The following RYR2 variants were observed in gnomAD, a reference collection of about 807,000 sequenced individuals.
RYR2 encodes the protein cardiac muscle ryanodine receptor-calcium release channel.
RYR2 carries 227 observed loss-of-function variants against 601.1 expected under a neutral mutation model. The observed-to-expected ratio is 0.38, with a 90% CI of 0.34 to 0.42. The LOEUF is 0.42. Among genes scored for constraint, RYR2 ranks in the 10% least tolerant of loss-of-function variants. The probability of loss-of-function intolerance (pLI) is 1.00; values close to 1 mark genes in which losing one functional copy is unlikely to be tolerated. For missense variants in RYR2, 4,646 were observed against 6,156.5 expected (o/e 0.75, Z 8.21); for synonymous variants, 2,223 against 2,175.1 (o/e 1.02, Z -0.61).
chr1:237,299,962 G>A (rs1374165710), intron 2 of RYR2, among the ~76,000 whole-genome samples: 2 of 152,162 alleles, frequency 1.3e-5, no homozygotes, highest in Admixed American at 1.3e-4. Flanking sequence ...TTCTCAAGTT[G>A]AAGAATGTGG....
intron 24 of RYR2, among the ~76,000 whole-genome samples, chr1:237,515,681 T>C: frequency 2.4e-4 from 1 of 4,168 alleles, no homozygotes; most frequent in African/African-American, 8.1e-4. Context: ...TTTTCCTTCC[T>C]TCCTTCCTTC....
At chr1:237,744,524 T>C (rs936530978) in intron 80 of RYR2, among the ~76,000 whole-genome samples, 12 of 151,744 alleles carry the variant, frequency 7.9e-5, no homozygotes, top group Non-Finnish European at 1.3e-4. Flanking sequence ...GGCGTGGTAG[T>C]GCACGCCTGT....
At chr1:237,635,957 T>G (rs1243796903) in intron 44 of RYR2, among the ~76,000 whole-genome samples, 1 of 152,164 alleles carries the variant, frequency 6.6e-6, no homozygotes, top group Non-Finnish European at 1.5e-5. Flanking sequence ...ATTCTTTCAG[T>G]CAATGCTCCA....
At chr1:237,431,088 G>A (rs946348385) in intron 12 of RYR2, among the ~76,000 whole-genome samples, 4 of 152,164 alleles carry the variant, frequency 2.6e-5, no homozygotes, top group South Asian at 2.1e-4. Context: ...GGTTAATAAC[G>A]CTTCCATGCT....
At chr1:237,256,500 C>T (rs2111735) in intron 1 of RYR2, among the ~76,000 whole-genome samples, 53,527 of 152,080 alleles carry the variant, frequency 0.35, 11,898 homozygotes, top group Non-Finnish European at 0.48. Context: ...TTCTTGCCTG[C>T]ATCTGGGGCT....
At chr1:237,310,679 G>T (rs1303783398) in intron 2 of RYR2, among the ~76,000 whole-genome samples, 1 of 152,178 alleles carries the variant, frequency 6.6e-6, no homozygotes, top group African/African-American at 2.4e-5. Context: ...TCTTCTGGGT[G>T]TGTCTTTAAC....
In RYR2 at chr1:237,610,646, A is replaced by G. The variant is rs1044454419; in HGVS notation, c.4684-116A>G. On this transcript the variant is annotated intron_variant, in intron 35 of 104. Coordinates refer to ENST00000366574, the MANE Select transcript of RYR2 (RefSeq NM_001035.3). This position sits in a 1 kb window ranked among gnomAD's most constrained non-coding sequence, Gnocchi z 4.9. ...TGATTTCTTGTGTTGACTTTGCTTG[A>G]CTCATAGGGTTATCTTACTTTCCCT... The G allele has an allele frequency of 1.6e-5, 13 of 813,924 alleles. No homozygotes were observed. Among genetic ancestry groups the G allele is most frequent in the Non-Finnish European group, 2.3e-5 (12 of 523,338 alleles). The allele number at this position is 813,924 out of a possible 1,614,324, so 50.4% of individuals were successfully genotyped here.
At chr1:237,294,008 C>T (rs2149430496) in intron 2 of RYR2, among the ~76,000 whole-genome samples, 1 of 152,230 alleles carries the variant, frequency 6.6e-6, no homozygotes, top group South Asian at 2.1e-4. Flanking sequence ...AGCCAACATC[C>T]TGAGGCTATC....
intron 1 of RYR2, among the ~76,000 whole-genome samples, chr1:237,162,234 C>T (rs1676091058): frequency 6.6e-6 from 1 of 152,088 alleles, no homozygotes; most frequent in South Asian, 2.1e-4. Flanking sequence ...ACAGATTGGC[C>T]ACCTTACTGT....
intron 1 of RYR2, among the ~76,000 whole-genome samples, chr1:237,050,540 C>T (rs1168862380): frequency 2.0e-5 from 3 of 152,124 alleles, no homozygotes; most frequent in African/African-American, 4.8e-5. Flanking sequence ...TTTCCTTTAA[C>T]ATTTTTGGTA....
intron 2 of RYR2, among the ~76,000 whole-genome samples, chr1:237,288,656 A>C (rs6686679): frequency 0.36 from 54,264 of 151,902 alleles, 11,332 homozygotes; most frequent in East Asian, 0.67. Context: ...TCGTACTCCC[A>C]CTGTGCCCCC....
At chr1:237,587,328 CTTTATGGGAAAGAAATTTTTGTCCCA>C (rs1674634418) in intron 29 of RYR2, among the ~76,000 whole-genome samples, 1 of 151,962 alleles carries the variant, frequency 6.6e-6, no homozygotes, top group Admixed American at 6.6e-5. Context: ...TTACAAATTT[CTTTATGGGAAAGAAATTTTTGTCCCA>C]TTTTGTTAAA....
chr1:237,495,632 A>G (rs933995540), intron 19 of RYR2, among the ~76,000 whole-genome samples: 1 of 152,200 alleles, frequency 6.6e-6, no homozygotes, highest in Non-Finnish European at 1.5e-5. Context: ...GTATTACCAT[A>G]GGGTATATGT....
At chr1:237,156,001 C>A (rs186979402) in intron 1 of RYR2, among the ~76,000 whole-genome samples, 1 of 152,286 alleles carries the variant, frequency 6.6e-6, no homozygotes, top group African/African-American at 2.4e-5. Flanking sequence ...CCTGCTGTTC[C>A]CTCTGCTGAA....
At chr1:237,619,040 A>T (rs1678795920) in intron 38 of RYR2, among the ~76,000 whole-genome samples, 1 of 152,122 alleles carries the variant, frequency 6.6e-6, no homozygotes, top group Non-Finnish European at 1.5e-5. Flanking sequence ...GCAATAAGAT[A>T]CCCTAAGCCC....
At chr1:237,554,818 A>G (rs865874176) in intron 27 of RYR2, among the ~76,000 whole-genome samples, 5 of 152,022 alleles carry the variant, frequency 3.3e-5, no homozygotes, top group African/African-American at 1.2e-4. Context: ...AGGATCTTTA[A>G]TGATATCTCT....
At chr1:237,144,294 G>A (rs935238711) in intron 1 of RYR2, among the ~76,000 whole-genome samples, 4 of 152,174 alleles carry the variant, frequency 2.6e-5, no homozygotes, top group African/African-American at 9.7e-5. Flanking sequence ...GGACTCGACA[G>A]CACTATTTGT....
intron 100 of RYR2, among the ~76,000 whole-genome samples, chr1:237,813,027 A>G (rs761190767): frequency 6.6e-6 from 1 of 151,870 alleles, no homozygotes; most frequent in East Asian, 1.9e-4. Context: ...TCCCACGCCT[A>G]TTCATTCATT....
intron 79 of RYR2, among the ~76,000 whole-genome samples, chr1:237,741,479 AG>A (rs1260418057): frequency 2.0e-5 from 3 of 152,222 alleles, no homozygotes; most frequent in South Asian, 2.1e-4. Flanking sequence ...GATGAGCTGT[AG>A]GGTTCTTCCT....
Sources: gnomAD v4.1 joint callset for allele counts (sites outside exome capture counted in the v4.1 genomes callset) on GRCh38, gnomAD v4.1.1 for gene constraint, Gnocchi (gnomAD v3.1) non-coding constraint, MANE v1.5 for transcripts, NCBI Gene and HGNC (gene_info 2026-07-23, HGNC 2026-07-21) for gene names.